ZHX3: variants seen among roughly 807,000 people sequenced by gnomAD.
ZHX3 encodes the protein zinc fingers and homeoboxes protein 3.
Under a neutral mutation model 64.5 loss-of-function variants are expected in ZHX3, and 20 were observed. The ratio of observed to expected loss-of-function variants is 0.31; its 90% CI spans 0.22 to 0.45. ZHX3 has a LOEUF of 0.45. ZHX3 is among the 20% of genes least tolerant of loss of function. The pLI is 1.00. For synonymous variants in ZHX3, 423 were observed against 461.6 expected (o/e 0.92, Z 1.07); for missense variants, 1,041 against 1,195.8 (o/e 0.87, Z 1.91).
chr20:41,312,810 A>T lies in ZHX3; in HGVS notation c.-245+4699T>A, dbSNP rs552575458. On this transcript the variant is annotated intron_variant, in intron 1 of 3. Transcript: ENST00000683867. The stretch of plus-strand genomic sequence containing the variant: ...AACAAGGAGGGGAGCCTGGAGAGGG[A>T]GCACGTCAGAGTAAGTGTGGATGCG... Among the ~76,000 whole-genome samples, 35 of 152,244 alleles carry T rather than the reference A, an allele frequency of 2.3e-4. 1 individual carries two copies. Among genetic ancestry groups the T allele is most frequent in the African/African-American group, 8.4e-4 (35 of 41,544 alleles).
chr20:41,281,571 G>A (rs2043677596), intron 1 of ZHX3, among the ~76,000 whole-genome samples: 1 of 152,220 alleles, frequency 6.6e-6, no homozygotes, highest in South Asian at 2.1e-4. Flanking sequence ...GGAAAGAGTA[G>A]CAGACATAAA....
At chr20:41,283,827 G>A (rs2043810311) in intron 1 of ZHX3, among the ~76,000 whole-genome samples, 1 of 152,022 alleles carries the variant, frequency 6.6e-6, no homozygotes, top group African/African-American at 2.4e-5. Flanking sequence ...ACACTCTCCA[G>A]TCTCCAACCT....
chr20:41,308,876 T>C (rs1042599114), intron 1 of ZHX3, among the ~76,000 whole-genome samples: 1 of 152,244 alleles, frequency 6.6e-6, no homozygotes, highest in East Asian at 1.9e-4. Flanking sequence ...GAGACAGAAT[T>C]GTGCACATAA....
chr20:41,245,273 A>G lies in ZHX3; in HGVS notation c.-151+23717T>C, dbSNP rs1600488708. On this transcript the variant is annotated intron_variant, in intron 2 of 3. Transcript: ENST00000683867. ...AGAGGCATCTTCACAGACTGAGGGG[A>G]CTCCCAGCGTGGCCAGGGGCTTGTT... 2.0e-5 allele frequency among the ~76,000 whole-genome samples: 3 copies of G among 151,980 alleles called. No individual in the cohort carries two copies. The East Asian group carries it at 5.8e-4, about 29-fold the overall frequency.
chr20:41,295,324 ATATT>A (rs1354392536), intron 1 of ZHX3, among the ~76,000 whole-genome samples: 1 of 152,170 alleles, frequency 6.6e-6, no homozygotes, highest in Non-Finnish European at 1.5e-5. Context: ...TAATAAGACA[ATATT>A]TAAGGTAAAC....
intron 2 of ZHX3, among the ~76,000 whole-genome samples, chr20:41,263,120 T>A (rs1265099097): frequency 4.6e-5 from 7 of 151,890 alleles, no homozygotes; most frequent in African/African-American, 1.2e-4. Context: ...CATAATACAA[T>A]AGCAATAATA....
At chr20:41,278,978 C>T (rs924890369) in intron 1 of ZHX3, among the ~76,000 whole-genome samples, 1 of 152,242 alleles carries the variant, frequency 6.6e-6, no homozygotes, top group Non-Finnish European at 1.5e-5. Context: ...AGGGTTTCAC[C>T]GTGCTAGCCA....
intron 2 of ZHX3, among the ~76,000 whole-genome samples, chr20:41,263,909 T>C (rs75182860): frequency 0.01 from 1,560 of 152,106 alleles, 18 homozygotes; most frequent in Admixed American, 0.031. Flanking sequence ...TTGCTGTGAA[T>C]AGACTAAAAT....
chr20:41,266,744 A>G (rs2042873826), intron 2 of ZHX3, among the ~76,000 whole-genome samples: 1 of 147,084 alleles, frequency 6.8e-6, no homozygotes. Flanking sequence ...ACAGGGTTTC[A>G]CCGTGTTAGC....
In ZHX3 at chr20:41,197,998, TC is replaced by T. The variant is rs1238778055; in HGVS notation, c.2860+4058del. Among the ~76,000 whole-genome samples the T allele has an allele frequency of 8.7e-5, 12 of 137,770 alleles. 1 individual carries two copies. Among genetic ancestry groups the T allele is most frequent in the South Asian group, 2.4e-4 (1 of 4,252 alleles). The allele number at this position is 137,770 out of a possible 152,430, so 90.4% of individuals were successfully genotyped here. A position where few individuals can be genotyped will look rare whatever the true frequency, so the allele number is the denominator to read the frequency against. ...CCTCTAAAGTTATCTTAACTAGTGCTCTTTTTTTTTTTTTTTTTTTTTGTGA... is the reference window on the plus strand; with the variant it reads ...CCTCTAAAGTTATCTTAACTAGTGCTTTTTTTTTTTTTTTTTTTTTTGTGA... On this transcript the variant is annotated intron_variant, in intron 3 of 3. Transcript: ENST00000683867.
chr20:41,212,572 C>A lies in ZHX3; in HGVS notation c.-150-7506G>T, dbSNP rs987835423. On this transcript the variant is annotated intron_variant, in intron 2 of 3. Transcript: ENST00000683867. This position sits in a 1 kb window ranked among gnomAD's most constrained non-coding sequence, Gnocchi z 4.3. ...TAGCACTTTGGGAGGCCAAGGCGGG[C>A]GGATCACCAGAGGTCAGGAGTTCAA... Among the ~76,000 whole-genome samples the A allele has an allele frequency of 1.3e-5, 2 of 152,026 alleles. No homozygotes were observed. The highest frequency in any genetic ancestry group is 2.9e-5 in the Non-Finnish European group (2 of 68,006).
Position 41,202,948 on chromosome 20 carries a change from C to A in ZHX3, c.1969G>T (p.Asp657Tyr). 1 of 1,614,174 alleles carries A rather than the reference C, an allele frequency of 6.2e-7. No homozygotes were observed. The highest frequency in any genetic ancestry group is 1.7e-5 in the Admixed American group (1 of 60,020). ...TTCCGTCTCTCTGAAAACCAGCTAT[C>A]AATTTCTCGTCGGGTCATTTTGGTT... ...SETKMTRREI[D>Y]SWFSERRKKV... is the part of the protein sequence containing the mutation. Residue 657 changes from aspartate (D) to tyrosine (Y), a missense_variant, in exon 3 of 4, where the codon GAT becomes TAT. Coordinates refer to ENST00000683867, the MANE Select transcript of ZHX3 (RefSeq NM_001384317.1). This position sits in a 1 kb window ranked among gnomAD's most constrained non-coding sequence, Gnocchi z 7.0.
chr20:41,265,123 TTA>T (rs2042772144), intron 2 of ZHX3, among the ~76,000 whole-genome samples: 1 of 151,954 alleles, frequency 6.6e-6, no homozygotes, highest in Non-Finnish European at 1.5e-5. Context: ...AAGGCAGATG[TTA>T]TATATACTTT....
intron 1 of ZHX3, among the ~76,000 whole-genome samples, chr20:41,298,288 G>A (rs1203368397): frequency 2.0e-5 from 3 of 152,156 alleles, no homozygotes; most frequent in African/African-American, 7.2e-5. Context: ...TCATTAAAAT[G>A]AGGTCAATAA....
intron 2 of ZHX3, among the ~76,000 whole-genome samples, chr20:41,264,839 G>C (rs2042756792): frequency 6.6e-6 from 1 of 152,018 alleles, no homozygotes; most frequent in African/African-American, 2.4e-5. Context: ...ATTTTTATTT[G>C]TGTCAACAGA....
At position 41,202,693 on chromosome 20, in the gene ZHX3, C is replaced by T. The variant is rs1276124182; in HGVS notation, c.2224G>A (p.Glu742Lys). ...LRVTEANGRNEIPGLGACDPE... is the reference protein window; with the variant it reads ...LRVTEANGRNKIPGLGACDPE... ...TCACAGGCACCCAGCCCTGGAATCT[C>T]GTTCCTGCCATTGGCTTCAGTGACC... is the stretch of plus-strand genomic sequence containing the variant. The change falls in exon 3 of 4, where the codon GAG becomes AAG. Residue 742 changes from glutamate (E) to lysine (K), a missense_variant. Physicochemically the swap from Glu to Lys is moderately conservative, Grantham distance 56. Around this residue, in one of 4 missense-constraint regions of ZHX3, gnomAD observed 649 missense variants for 739.8 expected, o/e 0.88. Transcript: ENST00000683867. This position sits in a 1 kb window ranked among gnomAD's most constrained non-coding sequence, Gnocchi z 7.0. 63 of 1,614,018 alleles carry T rather than the reference C, an allele frequency of 3.9e-5. No homozygotes were observed. Among genetic ancestry groups the T allele is most frequent in the Non-Finnish European group, 5.1e-5 (60 of 1,180,034 alleles).
chr20:41,233,897 G>C (rs760724924), intron 2 of ZHX3, among the ~76,000 whole-genome samples: 3 of 152,216 alleles, frequency 2.0e-5, no homozygotes, highest in Non-Finnish European at 2.9e-5. Flanking sequence ...GTGGCACACT[G>C]TCCTCCAGTC....
In ZHX3 at chr20:41,202,902, G is replaced by A. The variant is rs1196429077; in HGVS notation, c.2015C>T (p.Thr672Ile). The part of the protein sequence containing the change: ...ERRKKVNAEE[T>I]KKAEENASQE... ...AGAGGCATTCTCCTCAGCCTTCTTG[G>A]TCTCCTCAGCATTCACTTTTTTCCG... Residue 672 changes from threonine to isoleucine, a missense_variant, in exon 3 of 4, where the codon ACC becomes ATC. This residue lies in a region of ZHX3 where 649 missense variants were observed against 739.8 expected (regional missense o/e 0.88). Coordinates refer to ENST00000683867, the MANE Select transcript of ZHX3 (RefSeq NM_001384317.1). This position sits in a 1 kb window ranked among gnomAD's most constrained non-coding sequence, Gnocchi z 7.0. The A allele has an allele frequency of 3.7e-6, 6 of 1,614,000 alleles. No homozygotes were observed. The South Asian group carries it at 5.5e-5, about 15-fold the overall frequency.
At chr20:41,297,827 G>A (rs559222509) in intron 1 of ZHX3, among the ~76,000 whole-genome samples, 30 of 152,302 alleles carry the variant, frequency 2.0e-4, no homozygotes, top group Non-Finnish European at 2.2e-4. Context: ...GTCCAAAGGC[G>A]AGTTAAAGGA....
Sources: gnomAD v4.1 joint callset for allele counts (sites outside exome capture counted in the v4.1 genomes callset) on GRCh38, gnomAD v4.1.1 for gene constraint, gnomAD v4.1.1 regional missense constraint, Gnocchi (gnomAD v3.1) non-coding constraint, MANE v1.5 for transcripts, NCBI Gene and HGNC (gene_info 2026-07-23, HGNC 2026-07-21) for gene names.